RBFOX1: variants seen among roughly 807,000 people sequenced by gnomAD.
The protein encoded by RBFOX1 is RNA binding protein fox-1 homolog 1.
RBFOX1 carries 8 observed loss-of-function variants against 57.7 expected under a neutral mutation model. The observed-to-expected ratio is 0.14, with a 90% CI of 0.08 to 0.25. The LOEUF is 0.25. Among genes scored for constraint, RBFOX1 ranks in the 10% least tolerant of loss-of-function variants. RBFOX1 has a pLI of 1.00. For synonymous variants in RBFOX1, 326 were observed against 222.4 expected (o/e 1.47, Z -4.15); for missense variants, 611 against 548.5 (o/e 1.11, Z -1.14).
intron 3 of RBFOX1, among the ~76,000 whole-genome samples, chr16:6,968,013 C>G (rs1395942856): frequency 1.3e-5 from 2 of 152,132 alleles, no homozygotes; most frequent in Non-Finnish European, 2.9e-5. Flanking sequence ...GCTGCCTCTG[C>G]TCTTGTAAGG....
intron 1 of RBFOX1, among the ~76,000 whole-genome samples, chr16:6,028,318 G>A (rs917285205): frequency 6.6e-6 from 1 of 152,034 alleles, no homozygotes; most frequent in Non-Finnish European, 1.5e-5. Flanking sequence ...CTTTTCACAG[G>A]TTAGAGAAAG....
intron 1 of RBFOX1, among the ~76,000 whole-genome samples, chr16:6,233,631 T>C (rs2097482717): frequency 6.6e-6 from 1 of 152,036 alleles, no homozygotes; most frequent in Non-Finnish European, 1.5e-5. Flanking sequence ...ATCAAAGAAA[T>C]GGGGTCTCAC....
At chr16:6,841,361 A>G (rs2093451938) in intron 3 of RBFOX1, among the ~76,000 whole-genome samples, 1 of 152,174 alleles carries the variant, frequency 6.6e-6, no homozygotes. Flanking sequence ...AGACAGGAAT[A>G]AAGTTGAAAT....
chr16:7,324,303 A>G (rs368176095), intron 4 of RBFOX1, among the ~76,000 whole-genome samples: 1 of 152,188 alleles, frequency 6.6e-6, no homozygotes, highest in Non-Finnish European at 1.5e-5. Context: ...AATTAGTACA[A>G]AAATCCTCAT....
intron 3 of RBFOX1, among the ~76,000 whole-genome samples, chr16:6,892,639 C>T (rs1355242756): frequency 1.3e-5 from 2 of 152,120 alleles, no homozygotes; most frequent in African/African-American, 2.4e-5. Flanking sequence ...CACTGTACTC[C>T]AGCCTGGGCA....
chr16:6,229,444 G>C (rs544863173), intron 1 of RBFOX1, among the ~76,000 whole-genome samples: 1 of 152,002 alleles, frequency 6.6e-6, no homozygotes, highest in African/African-American at 2.4e-5. Context: ...CTTTTGTTCT[G>C]TGTGTTTGAA....
At chr16:6,175,083 T>C (rs1053061284) in intron 1 of RBFOX1, among the ~76,000 whole-genome samples, 33 of 152,216 alleles carry the variant, frequency 2.2e-4, no homozygotes, top group Admixed American at 2.2e-3. Flanking sequence ...AAATGAGTTA[T>C]CACAGTGTAA....
chr16:6,780,447 T>G (rs1411888673), intron 3 of RBFOX1, among the ~76,000 whole-genome samples: 14 of 93,872 alleles, frequency 1.5e-4, no homozygotes, highest in South Asian at 6.8e-4. Context: ...TATATTTATA[T>G]ATACATTTTT....
intron 4 of RBFOX1, among the ~76,000 whole-genome samples, chr16:7,068,120 C>T (rs1189834386): frequency 2.6e-5 from 4 of 151,970 alleles, no homozygotes; most frequent in African/African-American, 9.7e-5. Flanking sequence ...ACGTTGGGTC[C>T]ACCCAGATTA....
intron 1 of RBFOX1, among the ~76,000 whole-genome samples, chr16:6,094,784 C>T (rs2096223933): frequency 6.6e-6 from 1 of 152,194 alleles, no homozygotes; most frequent in African/African-American, 2.4e-5. Context: ...ATAGGAGGGG[C>T]TGGCCATGGT....
intron 3 of RBFOX1, among the ~76,000 whole-genome samples, chr16:7,021,900 CTTTCTTTCTTTCT>C (rs1213797922): frequency 2.8e-4 from 38 of 137,272 alleles, no homozygotes; most frequent in African/African-American, 8.9e-4. Context: ...TCTTTCTTTT[CTTTCTTTCTTTCT>C]TTTCTTTCTT....
At chr16:6,784,348 C>G (rs550580056) in intron 3 of RBFOX1, among the ~76,000 whole-genome samples, 4 of 152,158 alleles carry the variant, frequency 2.6e-5, no homozygotes, top group African/African-American at 4.8e-5. Flanking sequence ...CAAATAGCCT[C>G]TCTTTGAGCT....
chr16:6,002,422 A>G (rs758499091), intron 4 of RBFOX1, among the ~76,000 whole-genome samples: 8 of 152,212 alleles, frequency 5.3e-5, no homozygotes, highest in Non-Finnish European at 1.0e-4. Context: ...CGTACTAGTT[A>G]ACAAGACTCA....
chr16:7,345,090 C>G (rs148652578), intron 4 of RBFOX1, among the ~76,000 whole-genome samples: 3 of 152,206 alleles, frequency 2.0e-5, no homozygotes, highest in South Asian at 2.1e-4. Context: ...ATTTTCAAGA[C>G]CTTTATTTTT....
chr16:7,099,291 A>G (rs570706730), intron 4 of RBFOX1, among the ~76,000 whole-genome samples: 3 of 152,282 alleles, frequency 2.0e-5, no homozygotes, highest in South Asian at 4.1e-4. Flanking sequence ...AAATGGCTCA[A>G]AAACCAAGGA....
chr16:5,908,123 C>CAT (rs368543380), intron 4 of RBFOX1, among the ~76,000 whole-genome samples: 6,019 of 128,504 alleles, frequency 0.047, 700 homozygotes, highest in African/African-American at 0.17. Flanking sequence ...CATATATACA[C>CAT]ATATATATAT....
rs148014033 is a variant in RBFOX1 at position 7,589,667 on chromosome 16, A to C, written c.468+2367A>C. Among the ~76,000 whole-genome samples the C allele has an allele frequency of 9.1e-3, 1,392 of 152,138 alleles. 20 individuals are homozygous for C. The highest frequency in any genetic ancestry group is 0.032 in the African/African-American group (1,315 of 41,510). On this transcript the variant is annotated intron_variant, in intron 7 of 15. Transcript: ENST00000550418. ...GACTGCTAAATGGGGGCAGCAGCTCACACAGGGATATTTTTCATAGTTGAC... is the reference window on the plus strand; with the variant it reads ...GACTGCTAAATGGGGGCAGCAGCTCCCACAGGGATATTTTTCATAGTTGAC...
At chr16:6,299,959 T>C (rs549024028) in intron 1 of RBFOX1, among the ~76,000 whole-genome samples, 1 of 152,290 alleles carries the variant, frequency 6.6e-6, no homozygotes, top group Non-Finnish European at 1.5e-5. Flanking sequence ...AAAATAAATC[T>C]AACAAAAGCA....
At chr16:7,366,140 C>G (rs1193519977) in intron 4 of RBFOX1, among the ~76,000 whole-genome samples, 1 of 152,170 alleles carries the variant, frequency 6.6e-6, no homozygotes, top group African/African-American at 2.4e-5. Context: ...AGCTGACCCT[C>G]TAAACAGTGT....
Sources: gnomAD v4.1 joint callset for allele counts (sites outside exome capture counted in the v4.1 genomes callset) on GRCh38, gnomAD v4.1.1 for gene constraint, MANE v1.5 for transcripts, NCBI Gene and HGNC (gene_info 2026-07-23, HGNC 2026-07-21) for gene names.